The following PRKCQ variants were observed in gnomAD, a reference collection of about 807,000 sequenced individuals.
PRKCQ encodes the protein protein kinase C theta type.
In PRKCQ, 41 loss-of-function variants were observed where a neutral mutation model predicts 91.2. The ratio of observed to expected loss-of-function variants is 0.45; its 90% CI spans 0.35 to 0.58. The LOEUF (loss-of-function observed/expected upper bound fraction) is 0.58, where lower values mean the gene tolerates loss of function less well. PRKCQ is among the 20% of genes least tolerant of loss of function. The probability of loss-of-function intolerance (pLI) is 0.00; values close to 1 mark genes in which losing one functional copy is unlikely to be tolerated. For synonymous variants in PRKCQ, 307 were observed against 316.9 expected (o/e 0.97, Z 0.33); for missense variants, 673 against 896.5 (o/e 0.75, Z 3.18).
chr10:6,553,217 T>C (rs1840257146), intron 1 of PRKCQ, among the ~76,000 whole-genome samples: 1 of 152,144 alleles, frequency 6.6e-6, no homozygotes, highest in African/African-American at 2.4e-5. Context: ...GACCACACTT[T>C]GAGAACCACT....
the PRKCQ span, among the ~76,000 whole-genome samples, chr10:6,399,793 T>C: frequency 0.42 from 63,051 of 151,642 alleles, 14,749 homozygotes; most frequent in East Asian, 0.81. Context: ...GATGAAAAAG[T>C]TCTCCAGGCA....
intron 16 of PRKCQ, among the ~76,000 whole-genome samples, chr10:6,437,800 C>T (rs946819887): frequency 6.6e-5 from 10 of 151,986 alleles, no homozygotes; most frequent in Non-Finnish European, 8.8e-5. Context: ...CACAGGCGCC[C>T]GCCACAACAC....
chr10:6,501,650 C>T (rs543301877), intron 4 of PRKCQ, among the ~76,000 whole-genome samples: 4 of 151,762 alleles, frequency 2.6e-5, no homozygotes, highest in East Asian at 1.9e-4. Context: ...GGTGAAACCC[C>T]GTCTCTACTA....
chr10:6,401,206 C>G, the PRKCQ span, among the ~76,000 whole-genome samples: 41 of 152,152 alleles, frequency 2.7e-4, 1 homozygote, highest in Admixed American at 2.6e-3. Flanking sequence ...ATCGCTATGA[C>G]ATGTATCTAG....
intron 8 of PRKCQ, chr10:6,489,627 G>A (rs1837163535): frequency 2.6e-6 from 1 of 384,718 alleles, no homozygotes; most frequent in Admixed American, 3.2e-5. Context: ...CATGCGGGGT[G>A]AGCGGAGCAG....
intron 1 of PRKCQ, among the ~76,000 whole-genome samples, chr10:6,540,475 G>T (rs1481720256): frequency 1.3e-5 from 2 of 152,152 alleles, no homozygotes; most frequent in African/African-American, 2.4e-5. Flanking sequence ...CGTATAAGTG[G>T]AGTCTTAGCG....
At chr10:6,455,109 G>C (rs1471609918) in intron 15 of PRKCQ, among the ~76,000 whole-genome samples, 6 of 152,188 alleles carry the variant, frequency 3.9e-5, no homozygotes, top group African/African-American at 1.4e-4. Flanking sequence ...TGCTGCTGGG[G>C]ATGGCAGTGA....
At chr10:6,520,424 C>G (rs1838956692) in intron 1 of PRKCQ, among the ~76,000 whole-genome samples, 1 of 152,208 alleles carries the variant, frequency 6.6e-6, no homozygotes, top group Admixed American at 6.5e-5. Flanking sequence ...CCTTGGTCAC[C>G]TCTCAGTCTC....
At chr10:6,405,982 C>G in the PRKCQ span, among the ~76,000 whole-genome samples, 2 of 152,202 alleles carry the variant, frequency 1.3e-5, no homozygotes, top group African/African-American at 2.4e-5. Flanking sequence ...ATGTTGCTAC[C>G]AAGAGCTCGC....
chr10:6,580,392 C>A (rs1354580529), upstream of PRKCQ: 1 of 151,738 alleles, frequency 6.6e-6, no homozygotes, highest in Non-Finnish European at 1.5e-5. Context: ...CCAGCCTCCC[C>A]GCCAGCCCGG....
intron 12 of PRKCQ, among the ~76,000 whole-genome samples, chr10:6,469,615 G>A (rs916532456): frequency 9.2e-5 from 14 of 152,202 alleles, no homozygotes; most frequent in African/African-American, 3.4e-4. Context: ...GTATCTTGAA[G>A]TCTCAACTTT....
chr10:6,495,465 T>C (rs578003870), intron 7 of PRKCQ, among the ~76,000 whole-genome samples: 1 of 152,338 alleles, frequency 6.6e-6, no homozygotes, highest in East Asian at 1.9e-4. Flanking sequence ...TCTGTCACTC[T>C]TCAGCTGTCA....
chr10:6,489,344 G>A (rs771522635), intron 8 of PRKCQ: 1 of 492,744 alleles, frequency 2.0e-6, no homozygotes, highest in African/African-American at 2.0e-5. Flanking sequence ...GCATGGCCGC[G>A]AAGAAAGGCC....
At chr10:6,493,997 G>T (rs1357951855) in intron 7 of PRKCQ, among the ~76,000 whole-genome samples, 1 of 152,204 alleles carries the variant, frequency 6.6e-6, no homozygotes, top group Non-Finnish European at 1.5e-5. Context: ...TTTCAGCTCT[G>T]CTCCACAGTC....
chr10:6,502,054 G>A (rs1588342173), intron 4 of PRKCQ, among the ~76,000 whole-genome samples: 1 of 152,264 alleles, frequency 6.6e-6, no homozygotes, highest in East Asian at 1.9e-4. Flanking sequence ...CATTCATTGT[G>A]TACTTCCTGC....
intron 15 of PRKCQ, 25 bp downstream of exon 15, chr10:6,456,649 G>A (rs1835025141): frequency 1.2e-6 from 2 of 1,613,154 alleles, no homozygotes; most frequent in African/African-American, 1.3e-5. Context: ...GGTGAGGTGG[G>A]AGCAGCCTGT....
At chr10:6,481,195 G>T (rs1404369747) in intron 11 of PRKCQ, among the ~76,000 whole-genome samples, 2 of 152,154 alleles carry the variant, frequency 1.3e-5, no homozygotes, top group Non-Finnish European at 2.9e-5. Flanking sequence ...CTGCACCTTG[G>T]GATACCGACT....
At chr10:6,461,230 C>T (rs1228689264) in intron 14 of PRKCQ, among the ~76,000 whole-genome samples, 5 of 151,986 alleles carry the variant, frequency 3.3e-5, no homozygotes, top group Admixed American at 2.6e-4. Flanking sequence ...TCCATCCATC[C>T]AAATATCTGT....
intron 1 of PRKCQ, among the ~76,000 whole-genome samples, chr10:6,556,692 A>T (rs554519803): frequency 6.6e-6 from 1 of 152,240 alleles, no homozygotes; most frequent in African/African-American, 2.4e-5. Context: ...CTACAATAAA[A>T]AACAATGAAT....
Sources: gnomAD v4.1 joint callset for allele counts (sites outside exome capture counted in the v4.1 genomes callset) on GRCh38, gnomAD v4.1.1 for gene constraint, MANE v1.5 for transcripts, NCBI Gene and HGNC (gene_info 2026-07-23, HGNC 2026-07-21) for gene names.